NIPAL3: variants seen among roughly 807,000 people sequenced by gnomAD.
The protein encoded by NIPAL3 is NIPA-like protein 3.
A neutral mutation model predicts 47.2 loss-of-function variants in NIPAL3; 41 were observed. The ratio of observed to expected loss-of-function variants is 0.87; its 90% confidence interval spans 0.68 to 1.13. NIPAL3 has a LOEUF of 1.13. Among genes scored for constraint, NIPAL3 ranks in the 50% most tolerant of loss-of-function variants. NIPAL3 has a pLI of 0.00. For synonymous variants in NIPAL3, 194 were observed against 209.6 expected (o/e 0.93, Z 0.64); for missense variants, 449 against 530.1 (o/e 0.85, Z 1.50).
At chr1:24,418,428 C>G (rs1644159642) in intron 1 of NIPAL3, among the ~76,000 whole-genome samples, 1 of 152,054 alleles carries the variant, frequency 6.6e-6, no homozygotes. Context: ...CCTAAGAGTT[C>G]AAGACCAGCC....
At chr1:24,466,219 A>G in intron 11 of NIPAL3, 1 of 864,436 alleles carries the variant, frequency 1.2e-6, no homozygotes, top group Non-Finnish European at 1.8e-6. Flanking sequence ...TTCACAGAAC[A>G]TCAGCAGCAG....
At chr1:24,446,645 T>A (rs1410287350) in intron 5 of NIPAL3, among the ~76,000 whole-genome samples, 2 of 152,240 alleles carry the variant, frequency 1.3e-5, no homozygotes, top group African/African-American at 4.8e-5. Context: ...GGTGTATACG[T>A]ACCACATTTT....
rs1426904929 is a variant in NIPAL3 at position 24,466,537 on chromosome 1, C to T, written c.1021+2417C>T. Among the ~76,000 whole-genome samples, 4 of 152,178 alleles carry T rather than the reference C, an allele frequency of 2.6e-5. No homozygotes were observed. In the East Asian group the frequency reaches 7.7e-4, roughly 29 times the overall value. On this transcript the variant is annotated intron_variant, in intron 11 of 11. Coordinates refer to ENST00000374399, the MANE Select transcript of NIPAL3 (RefSeq NM_020448.5). The stretch of plus-strand genomic sequence containing the variant: ...TTATGGAATTAGCCCTGCTTCCTGA[C>T]AGCATCCAACCCAAAGCAAAGCCTC...
intron 2 of NIPAL3, among the ~76,000 whole-genome samples, chr1:24,429,104 A>G (rs1366603358): frequency 6.6e-6 from 1 of 152,184 alleles, no homozygotes; most frequent in Non-Finnish European, 1.5e-5. Context: ...TACCATCTTT[A>G]TGCATCAAAA....
chr1:24,448,414 T>G (rs1645774162), intron 5 of NIPAL3, among the ~76,000 whole-genome samples: 1 of 152,174 alleles, frequency 6.6e-6, no homozygotes, highest in Non-Finnish European at 1.5e-5. Flanking sequence ...GTCTGTGGCG[T>G]AGAATATTGA....
chr1:24,463,184 T>C (rs1264222998), intron 10 of NIPAL3, among the ~76,000 whole-genome samples: 1 of 151,176 alleles, frequency 6.6e-6, no homozygotes, highest in Non-Finnish European at 1.5e-5. Context: ...CGAGACTCCA[T>C]CTCAAAAAAA....
chr1:24,434,894 G>A (rs1157531338), intron 2 of NIPAL3, among the ~76,000 whole-genome samples: 1 of 152,062 alleles, frequency 6.6e-6, no homozygotes, highest in Non-Finnish European at 1.5e-5. Context: ...GAACTACCTC[G>A]AGACAAACTG....
intron 11 of NIPAL3, chr1:24,466,504 A>T (rs1268024019): frequency 6.5e-6 from 1 of 153,850 alleles, no homozygotes; most frequent in African/African-American, 2.4e-5. Flanking sequence ...AAAAGCTAAG[A>T]TCTCCAATTA....
intron 11 of NIPAL3, among the ~76,000 whole-genome samples, chr1:24,467,714 G>C (rs1215687914): frequency 2.0e-5 from 3 of 152,134 alleles, no homozygotes; most frequent in Non-Finnish European, 4.4e-5. Context: ...CATTGCTATT[G>C]TTGTTACTGT....
At chr1:24,445,817 G>GA (rs912121127) in intron 5 of NIPAL3, among the ~76,000 whole-genome samples, 19 of 152,086 alleles carry the variant, frequency 1.2e-4, no homozygotes, top group Middle Eastern at 3.4e-3. Context: ...AGAGAAGGAA[G>GA]AAAAAAGATC....
At chr1:24,445,153 CA>C in intron 4 of NIPAL3, 31 bp from the exon 5 acceptor site, 2 of 1,544,978 alleles carry the variant, frequency 1.3e-6, no homozygotes, top group South Asian at 2.2e-5. Context: ...ACAGCAGCCT[CA>C]ATTCCCTTTT....
At chr1:24,446,602 G>A (rs1332444390) in intron 5 of NIPAL3, among the ~76,000 whole-genome samples, 1 of 152,132 alleles carries the variant, frequency 6.6e-6, no homozygotes, top group Non-Finnish European at 1.5e-5. Flanking sequence ...CAAAGGATAT[G>A]ATATCATTTT....
intron 2 of NIPAL3, among the ~76,000 whole-genome samples, chr1:24,436,512 G>C (rs1485046376): frequency 6.6e-6 from 1 of 150,972 alleles, no homozygotes; most frequent in Non-Finnish European, 1.5e-5. Context: ...TTTTGAGACG[G>C]AGTTTCACTC....
intron 2 of NIPAL3, among the ~76,000 whole-genome samples, chr1:24,438,622 C>T (rs1557504827): frequency 6.6e-6 from 1 of 152,208 alleles, no homozygotes; most frequent in Admixed American, 6.5e-5. Flanking sequence ...CTGGCCACTG[C>T]GGGGCAGCTT....
chr1:24,459,075 T>A, intron 9 of NIPAL3, 99 bp downstream of exon 9: 3 of 1,005,792 alleles, frequency 3.0e-6, no homozygotes, highest in Non-Finnish European at 4.6e-6. Context: ...GTTCTCCCCG[T>A]AGAGTGATTT....
intron 5 of NIPAL3, among the ~76,000 whole-genome samples, chr1:24,446,044 G>C (rs1645641836): frequency 7.0e-6 from 1 of 142,028 alleles, no homozygotes; most frequent in East Asian, 2.1e-4. Flanking sequence ...GGATAGATGG[G>C]GCTTCTGCTC....
upstream of NIPAL3, chr1:24,415,126 C>T (rs1643958916): frequency 6.6e-6 from 1 of 152,160 alleles, no homozygotes; most frequent in Admixed American, 6.5e-5. Flanking sequence ...TATATGACAA[C>T]GTGTGAGCGA....
chr1:24,442,178 T>A lies in NIPAL3; in HGVS notation c.286T>A (p.Phe96Ile). 1 of 1,614,166 alleles carries A rather than the reference T, an allele frequency of 6.2e-7. No homozygotes were observed. Among genetic ancestry groups the A allele is most frequent in the Non-Finnish European group, 8.5e-7 (1 of 1,180,012 alleles). Residue 96 changes from phenylalanine to isoleucine, a missense_variant, in exon 4 of 12, where the codon TTC becomes ATC. Physicochemically the swap from Phe to Ile is conservative, Grantham distance 21 (BLOSUM62 0). Coordinates refer to ENST00000374399, the MANE Select transcript of NIPAL3 (RefSeq NM_020448.5). ...GCTGGGTGTGTTCGCCTCCTACGCC[T>A]TCGCGCCGCTGTCACTCATCGTGCC... ...GELGVFASYAFAPLSLIVPLS... is the reference protein window; with the variant it reads ...GELGVFASYAIAPLSLIVPLS...
intron 2 of NIPAL3, chr1:24,421,679 G>A (rs1644339212): frequency 6.6e-6 from 1 of 152,214 alleles, no homozygotes; most frequent in African/African-American, 2.4e-5. Flanking sequence ...TTCCTCCTCT[G>A]TGGAATAGTA....
Sources: gnomAD v4.1 joint callset for allele counts (sites outside exome capture counted in the v4.1 genomes callset) on GRCh38, gnomAD v4.1.1 for gene constraint, MANE v1.5 for transcripts, NCBI Gene and HGNC (gene_info 2026-07-23, HGNC 2026-07-21) for gene names.